Variants in COL4A5 observed in about 807,000 individuals in gnomAD.
COL4A5 encodes collagen alpha-5(IV) chain.
Under a neutral mutation model 130.2 loss-of-function variants are expected in COL4A5, and 26 were observed. The ratio of observed to expected loss-of-function variants is 0.20; its 90% CI spans 0.15 to 0.28. The LOEUF is 0.28. Among genes scored for constraint, COL4A5 ranks in the 10% least tolerant of loss-of-function variants. The pLI, the probability that COL4A5 is intolerant of heterozygous loss-of-function variation, is 1.00. For synonymous variants in COL4A5, 496 were observed against 439.6 expected (o/e 1.13, Z -1.60); for missense variants, 1,131 against 1,344.3 (o/e 0.84, Z 2.48).
At chrX:108,680,822 T>C in intron 45 of COL4A5, 63 bp from the exon 46 acceptor site, 3 of 1,189,013 alleles carry the variant, frequency 2.5e-6, no homozygotes, top group African/African-American at 1.7e-5. Context: ...ATTTTCTGAT[T>C]TGACTGGGTA....
At chrX:108,482,356 G>C (rs2064900662) in intron 1 of COL4A5, among the ~76,000 whole-genome samples, 1 of 111,498 alleles carries the variant, frequency 9.0e-6, no homozygotes, top group South Asian at 3.8e-4. Context: ...CTTCTGAAGA[G>C]AATCAACATT....
chrX:108,477,942 C>G (rs2064852826), intron 1 of COL4A5, among the ~76,000 whole-genome samples: 1 of 111,382 alleles, frequency 9.0e-6, no homozygotes, highest in African/African-American at 3.3e-5. Flanking sequence ...TCTGTATTCC[C>G]TTTGCCTTCA....
At position 108,696,276 on chromosome X, in the gene COL4A5, G is replaced by A. The variant is rs777770232; in HGVS notation, c.4995-21G>A. On this transcript the variant is annotated intron_variant, in intron 52 of 52. Transcript: ENST00000328300. ...AATACCAGAAAATGTGGATCTGATT[G>A]TCTTATTTCTTATTTCCCAGTAAAC... 4 of 1,162,997 alleles carry A rather than the reference G, an allele frequency of 3.4e-6. No individual in the cohort carries two copies. The African/African-American group carries it at 5.3e-5, about 15-fold the overall frequency.
Position 108,602,924 on chromosome X carries a change from C to T in COL4A5, c.2147-40C>T, listed in dbSNP as rs201543420. The T allele has an allele frequency of 6.2e-6, 6 of 965,346 alleles. No homozygotes were observed. In the East Asian group the frequency reaches 1.3e-4, roughly 21 times the overall value. The allele number at this position is 965,346 out of a possible 1,213,427, so 79.6% of individuals were successfully genotyped here. A position where few individuals can be genotyped will look rare whatever the true frequency, so the allele number is the denominator to read the frequency against. Reference sequence around the variant, plus strand: ...AATTTGAATATCTTTCTTAAAGTGCCTTTCCTTTGGTGGTTAAAAAATGAC... The same window carrying T: ...AATTTGAATATCTTTCTTAAAGTGCTTTTCCTTTGGTGGTTAAAAAATGAC... On this transcript the variant is annotated intron_variant, in intron 27 of 52. Transcript: ENST00000328300.
At position 108,607,729 on chromosome X, in the gene COL4A5, G is replaced by A. The variant is rs767875797; in HGVS notation, c.2395+837G>A. ...GAACTCCTAACTTCGTGATCCGCCC[G>A]CCTCGGCCTCTCAAAGTGTTGGGAT... On this transcript the variant is annotated intron_variant, in intron 29 of 52. Coordinates refer to ENST00000328300, the MANE Select transcript of COL4A5 (RefSeq NM_033380.3). Among the ~76,000 whole-genome samples, 8 of 110,962 alleles carry A rather than the reference G, an allele frequency of 7.2e-5. No individual in the cohort carries two copies. The South Asian group carries it at 2.3e-3, about 32-fold the overall frequency.
intron 1 of COL4A5, among the ~76,000 whole-genome samples, chrX:108,451,816 G>C (rs1472108530): frequency 9.0e-6 from 1 of 110,894 alleles, no homozygotes; most frequent in African/African-American, 3.3e-5. Context: ...TCTGATGGTA[G>C]TTTCTTTTGC....
intron 52 of COL4A5, 41 bp from the exon 53 acceptor site, chrX:108,696,256 C>T (rs749564488): frequency 9.3e-7 from 1 of 1,076,255 alleles, no homozygotes; most frequent in South Asian, 1.9e-5. Flanking sequence ...ATTGAAATAC[C>T]AGAAAATGTG....
intron 18 of COL4A5, among the ~76,000 whole-genome samples, chrX:108,585,743 ATACT>A (rs1054875107): frequency 1.1e-4 from 12 of 111,536 alleles, no homozygotes; most frequent in East Asian, 5.5e-4. Flanking sequence ...TTTTAAGAAA[ATACT>A]TAATGAGTTA....
chrX:108,650,152 CA>C (rs2067693111), intron 36 of COL4A5, among the ~76,000 whole-genome samples: 1 of 110,649 alleles, frequency 9.0e-6, no homozygotes, highest in Non-Finnish European at 1.9e-5. Flanking sequence ...TACAAATGGC[CA>C]AAAAACATAT....
At chrX:108,650,279 C>A (rs151184485) in intron 36 of COL4A5, among the ~76,000 whole-genome samples, 1,631 of 110,833 alleles carry the variant, frequency 0.015, 26 homozygotes, top group African/African-American at 0.051. Context: ...AATAGGAGAT[C>A]TTGGTGTGGA....
chrX:108,456,091 C>A (rs2064582463), intron 1 of COL4A5, among the ~76,000 whole-genome samples: 1 of 111,330 alleles, frequency 9.0e-6, no homozygotes, highest in Non-Finnish European at 1.9e-5. Flanking sequence ...TTTTTTCAAT[C>A]CATGAACACC....
At chrX:108,666,799 A>G (rs756405502) in intron 39 of COL4A5, among the ~76,000 whole-genome samples, 1 of 111,007 alleles carries the variant, frequency 9.0e-6, no homozygotes, top group Non-Finnish European at 1.9e-5. Context: ...AAAAAACCCC[A>G]TATCTTTTCT....
Position 108,677,496 on chromosome X carries a change from T to C in COL4A5, c.3809-4T>C. 2.5e-6 allele frequency: 3 copies of C among 1,207,878 alleles called. No homozygotes were observed. Among genetic ancestry groups the C allele is most frequent in the Non-Finnish European group, 3.4e-6 (3 of 892,720 alleles). ...AATGTCGTCATTTGCTGTGGATTAT[T>C]AAGGTCTACCAGGTCCAGAAGGTCC... On this transcript the variant is annotated splice_polypyrimidine_tract_variant and splice_region_variant and intron_variant, in intron 43 of 52. Transcript: ENST00000328300.
chrX:108,523,392 A>G (rs749531088), intron 1 of COL4A5, among the ~76,000 whole-genome samples: 1 of 111,670 alleles, frequency 9.0e-6, no homozygotes, highest in African/African-American at 3.3e-5. Context: ...TCAAAAATCT[A>G]TTCACCATAG....
At chrX:108,629,121 C>A (rs756564084) in intron 36 of COL4A5, among the ~76,000 whole-genome samples, 5 of 111,289 alleles carry the variant, frequency 4.5e-5, no homozygotes, top group Non-Finnish European at 9.4e-5. Context: ...GTGAGCATAC[C>A]TGACATGTTT....
intron 2 of COL4A5, among the ~76,000 whole-genome samples, chrX:108,543,074 A>G (rs1203691009): frequency 1.2e-4 from 13 of 110,825 alleles, no homozygotes; most frequent in Admixed American, 4.8e-4. Flanking sequence ...TCACTCTGAT[A>G]GTAGTTTCTT....
chrX:108,548,278 A>G (rs1176006544), intron 2 of COL4A5, among the ~76,000 whole-genome samples: 3 of 112,340 alleles, frequency 2.7e-5, no homozygotes, highest in African/African-American at 9.7e-5. Context: ...GTATTTTAAA[A>G]AGGAAAATTT....
At chrX:108,678,707 T>G (rs1274192404) in intron 44 of COL4A5, among the ~76,000 whole-genome samples, 1 of 111,146 alleles carries the variant, frequency 9.0e-6, no homozygotes, top group African/African-American at 3.3e-5. Context: ...CTCTAAATTT[T>G]TTTTAATTAT....
intron 1 of COL4A5, among the ~76,000 whole-genome samples, chrX:108,515,707 G>T (rs773258982): frequency 8.6e-4 from 96 of 111,715 alleles, no homozygotes; most frequent in African/African-American, 3.0e-3. Flanking sequence ...AATATTTGAG[G>T]AAGTCATATG....
Sources: allele counts gnomAD v4.1 joint callset (sites outside exome capture counted in the v4.1 genomes callset), GRCh38; gene constraint gnomAD v4.1.1; transcripts MANE v1.5; gene names NCBI Gene and HGNC (gene_info 2026-07-23, HGNC 2026-07-21).